Variants in ZC3H12B observed in about 807,000 individuals in gnomAD.
ZC3H12B encodes the protein zinc finger CCCH-type containing 12B.
Under a neutral mutation model 43.9 loss-of-function variants are expected in ZC3H12B, and 7 were observed. The observed-to-expected ratio is 0.16, with a 90% confidence interval of 0.09 to 0.30. ZC3H12B has a LOEUF of 0.30. Ranked by LOEUF, ZC3H12B falls within the 10% of genes least tolerant of loss-of-function variation. The pLI is 1.00. For synonymous variants in ZC3H12B, 222 were observed against 241.7 expected (o/e 0.92, Z 0.76); for missense variants, 475 against 670.2 (o/e 0.71, Z 3.22).
chrX:65,309,168 A>C, the ZC3H12B span, among the ~76,000 whole-genome samples: 21 of 107,637 alleles, frequency 2.0e-4, no homozygotes, highest in East Asian at 5.8e-4. Flanking sequence ...TAGAAACACA[A>C]AAAAAAAAAC....
the ZC3H12B span, among the ~76,000 whole-genome samples, chrX:65,105,751 T>C: frequency 2.7e-5 from 3 of 111,422 alleles, no homozygotes; most frequent in East Asian, 5.7e-4. Context: ...TGTGGTGTCA[T>C]GTGAGCAGCA....
At chrX:65,468,653 T>TTC (rs1473534780) in intron 3 of ZC3H12B, among the ~76,000 whole-genome samples, 1 of 99,820 alleles carries the variant, frequency 1.0e-5, no homozygotes, top group African/African-American at 3.8e-5. Context: ...CCGGCTAATT[T>TTC]TTTTTTTTTT....
At chrX:65,203,129 T>G in the ZC3H12B span, among the ~76,000 whole-genome samples, 1 of 111,990 alleles carries the variant, frequency 8.9e-6, no homozygotes, top group Non-Finnish European at 1.9e-5. Flanking sequence ...AACTTTCTCT[T>G]CAGGGCAGTG....
At chrX:65,273,053 T>G in the ZC3H12B span, 1 of 112,264 alleles carries the variant, frequency 8.9e-6, no homozygotes, top group Non-Finnish European at 1.9e-5. Context: ...CTGACTGTTC[T>G]GTTATGGCCA....
the ZC3H12B span, among the ~76,000 whole-genome samples, chrX:65,068,410 G>A: frequency 3.6e-5 from 4 of 110,035 alleles, no homozygotes; most frequent in African/African-American, 1.3e-4. Flanking sequence ...TTACAATGAG[G>A]CTTGGAAATA....
intron 2 of ZC3H12B, among the ~76,000 whole-genome samples, chrX:65,379,801 G>A (rs1322571352): frequency 5.3e-5 from 6 of 112,425 alleles, no homozygotes; most frequent in Non-Finnish European, 9.4e-5. Context: ...CAAGAACTAC[G>A]TGAAGAATGC....
chrX:65,072,320 T>C, the ZC3H12B span, among the ~76,000 whole-genome samples: 229 of 112,491 alleles, frequency 2.0e-3, 1 homozygote, highest in African/African-American at 7.1e-3. Context: ...TATTCTTTTC[T>C]TTACTGGCTA....
At chrX:65,229,558 T>G in the ZC3H12B span, among the ~76,000 whole-genome samples, 1 of 110,751 alleles carries the variant, frequency 9.0e-6, no homozygotes, top group African/African-American at 3.3e-5. Flanking sequence ...CTAAAGAACT[T>G]CTGCACAGCA....
chrX:65,477,264 G>C (rs1294125272), intron 3 of ZC3H12B, among the ~76,000 whole-genome samples: 1 of 109,595 alleles, frequency 9.1e-6, no homozygotes, highest in Non-Finnish European at 1.9e-5. Context: ...GTCTAAATCT[G>C]AGGCAGGGAT....
chrX:65,160,017 T>C, the ZC3H12B span, among the ~76,000 whole-genome samples: 2 of 112,263 alleles, frequency 1.8e-5, no homozygotes, highest in East Asian at 5.6e-4. Context: ...TCTATTGAGA[T>C]AATCATGTGG....
chrX:65,110,063 T>A, the ZC3H12B span, among the ~76,000 whole-genome samples: 1 of 111,546 alleles, frequency 9.0e-6, no homozygotes, highest in Non-Finnish European at 1.9e-5. Context: ...CTAGTGATGT[T>A]GATCATCTTT....
chrX:65,309,380 A>T, the ZC3H12B span, among the ~76,000 whole-genome samples: 2 of 112,156 alleles, frequency 1.8e-5, no homozygotes, highest in Non-Finnish European at 3.8e-5. Context: ...CTACGCAAAT[A>T]AACTAGAAAA....
chrX:65,450,934 T>C (rs1229477072), intron 3 of ZC3H12B, among the ~76,000 whole-genome samples: 1 of 98,859 alleles, frequency 1.0e-5, no homozygotes, highest in Non-Finnish European at 2.0e-5. Flanking sequence ...TATATATATA[T>C]ACACATACAT....
At chrX:65,440,262 G>A (rs1193709904) in intron 3 of ZC3H12B, among the ~76,000 whole-genome samples, 1 of 112,203 alleles carries the variant, frequency 8.9e-6, no homozygotes, top group Non-Finnish European at 1.9e-5. Context: ...GAGCCCCAAT[G>A]TGAGTGATGT....
At chrX:65,175,529 T>A in the ZC3H12B span, among the ~76,000 whole-genome samples, 1 of 112,255 alleles carries the variant, frequency 8.9e-6, no homozygotes, top group African/African-American at 3.2e-5. Context: ...AAGTGAAATA[T>A]TCCATACCTG....
chrX:65,268,769 T>A, the ZC3H12B span, among the ~76,000 whole-genome samples: 1 of 111,822 alleles, frequency 8.9e-6, no homozygotes, highest in African/African-American at 3.3e-5. Context: ...AAAGGCCATA[T>A]ATGAAAAACC....
intron 3 of ZC3H12B, among the ~76,000 whole-genome samples, chrX:65,435,705 G>A (rs1409329891): frequency 4.5e-5 from 5 of 111,420 alleles, no homozygotes; most frequent in Admixed American, 9.6e-5. Context: ...TAGATAGACA[G>A]TCAGATAGAT....
the ZC3H12B span, among the ~76,000 whole-genome samples, chrX:65,339,199 G>A: frequency 2.7e-5 from 3 of 111,173 alleles, no homozygotes; most frequent in South Asian, 8.0e-4. Context: ...AGGATTACTA[G>A]CACACTTCTA....
the ZC3H12B span, among the ~76,000 whole-genome samples, chrX:65,071,148 G>T: frequency 9.1e-6 from 1 of 110,342 alleles, no homozygotes; most frequent in Non-Finnish European, 1.9e-5. Context: ...TGTTAGGTGT[G>T]TATAGATTTA....
Sources: gnomAD v4.1 joint callset for allele counts (sites outside exome capture counted in the v4.1 genomes callset) on GRCh38, gnomAD v4.1.1 for gene constraint, MANE v1.5 for transcripts, NCBI Gene and HGNC (gene_info 2026-07-23, HGNC 2026-07-21) for gene names.